SDCCAG8: variants seen among roughly 807,000 people sequenced by gnomAD.
SDCCAG8 encodes serologically defined colon cancer antigen 8.
In SDCCAG8, 74 loss-of-function variants were observed where a neutral mutation model predicts 101.8. That is an observed-to-expected ratio of 0.73 (90% confidence interval 0.60 to 0.88). The LOEUF (loss-of-function observed/expected upper bound fraction) is 0.88, where lower values mean the gene tolerates loss of function less well. Ranked by LOEUF, SDCCAG8 falls within the 40% of genes least tolerant of loss-of-function variation. The probability of loss-of-function intolerance (pLI) is 0.00; values close to 1 mark genes in which losing one functional copy is unlikely to be tolerated. For synonymous variants in SDCCAG8, 281 were observed against 292.9 expected (o/e 0.96, Z 0.41); for missense variants, 787 against 822.6 (o/e 0.96, Z 0.53).
chr1:243,280,105 A>G (rs1186675558), intron 4 of SDCCAG8, among the ~76,000 whole-genome samples: 1 of 152,164 alleles, frequency 6.6e-6, no homozygotes, highest in Non-Finnish European at 1.5e-5. Flanking sequence ...CAGATTATCT[A>G]TTCCTCCCTC....
At chr1:243,396,813 T>C (rs2079062745) in intron 13 of SDCCAG8, among the ~76,000 whole-genome samples, 1 of 152,222 alleles carries the variant, frequency 6.6e-6, no homozygotes, top group Non-Finnish European at 1.5e-5. Flanking sequence ...CAAATTATTG[T>C]CTTCCTGAAC....
At chr1:243,346,578 AT>A (rs2075722159) in intron 12 of SDCCAG8, among the ~76,000 whole-genome samples, 1 of 152,194 alleles carries the variant, frequency 6.6e-6, no homozygotes, top group African/African-American at 2.4e-5. Flanking sequence ...CACCAAAATA[AT>A]TTTCCTTGTG....
Position 243,296,535 on chromosome 1 carries a change from CTTTTT to C in SDCCAG8, c.675+3337_675+3341del, listed in dbSNP as rs756242066. 1.0e-4 allele frequency among the ~76,000 whole-genome samples: 6 copies of C among 57,948 alleles called. No individual in the cohort carries two copies. The East Asian group carries it at 2.0e-3, about 20-fold the overall frequency. The allele number at this position is 57,948 out of a possible 152,430, so 38.0% of individuals were successfully genotyped here. A position where few individuals can be genotyped will look rare whatever the true frequency, so the allele number is the denominator to read the frequency against. On this transcript the variant is annotated intron_variant, in intron 6 of 17. Coordinates refer to ENST00000366541, the MANE Select transcript of SDCCAG8 (RefSeq NM_006642.5). ...CCCCCTGTAGTCCACCCCAACTGCT[CTTTTT>C]TTTTTTTTTTTTTTTTTTTTGAGAC... is the stretch of plus-strand genomic sequence containing the variant.
At chr1:243,420,028 T>C (rs1015428782) in intron 15 of SDCCAG8, among the ~76,000 whole-genome samples, 1 of 152,334 alleles carries the variant, frequency 6.6e-6, no homozygotes, top group Non-Finnish European at 1.5e-5. Context: ...ATTTAATGAA[T>C]AAATGATGAA....
chr1:243,447,741 A>G lies in SDCCAG8; in HGVS notation c.1985+21183A>G, dbSNP rs187113412. Among the ~76,000 whole-genome samples, 19 of 152,356 alleles carry G rather than the reference A, an allele frequency of 1.2e-4. No homozygotes were observed. In the East Asian group the frequency reaches 3.7e-3, roughly 29 times the overall value. On this transcript the variant is annotated intron_variant, in intron 16 of 17. Coordinates refer to ENST00000366541, the MANE Select transcript of SDCCAG8 (RefSeq NM_006642.5). ...CATTAGGATATTAAAAGCATTGATA[A>G]GTCTTCAGAATTATTAACCATTTTT...
At chr1:243,307,879 A>G in intron 7 of SDCCAG8, 110 bp from the exon 8 acceptor site, 2 of 1,573,686 alleles carry the variant, frequency 1.3e-6, no homozygotes, top group Non-Finnish European at 1.7e-6. Flanking sequence ...AAACTAAAGC[A>G]TAAGGTGAGT....
intron 5 of SDCCAG8, among the ~76,000 whole-genome samples, chr1:243,291,544 C>T (rs779669245): frequency 2.0e-4 from 30 of 152,322 alleles, no homozygotes; most frequent in Admixed American, 5.2e-4. Context: ...ATGCAGGCTG[C>T]ATGTCAACTC....
chr1:243,339,491 G>A (rs1396844268), intron 10 of SDCCAG8, among the ~76,000 whole-genome samples: 2 of 151,950 alleles, frequency 1.3e-5, no homozygotes, highest in Admixed American at 6.6e-5. Flanking sequence ...GTTTTATATT[G>A]TAATGTGCCC....
chr1:243,421,820 T>C (rs1426983775), intron 15 of SDCCAG8, among the ~76,000 whole-genome samples: 1 of 152,198 alleles, frequency 6.6e-6, no homozygotes, highest in Non-Finnish European at 1.5e-5. Flanking sequence ...GAGCTTATTA[T>C]AGTTATGGGG....
intron 9 of SDCCAG8, among the ~76,000 whole-genome samples, chr1:243,325,862 A>G (rs889704027): frequency 6.6e-6 from 1 of 152,240 alleles, no homozygotes; most frequent in South Asian, 2.1e-4. Context: ...AATGGAAGTT[A>G]TTTCAATTGG....
In SDCCAG8 at chr1:243,317,925, A is replaced by T. The variant is rs979092333; in HGVS notation, c.1068+1032A>T. On this transcript the variant is annotated intron_variant, in intron 9 of 17. Coordinates refer to ENST00000366541, the MANE Select transcript of SDCCAG8 (RefSeq NM_006642.5). ...GTTGGATAGCACTGGTCTAAACCAT[A>T]TATGAATCTCAGTGTTTTATTAAAA... is the stretch of plus-strand genomic sequence containing the variant. 2.5e-5 allele frequency: 10 copies of T among 400,452 alleles called. No homozygotes were observed. In the Admixed American group the frequency reaches 2.6e-4, roughly 11 times the overall value. 24.8% of individuals were successfully genotyped at this position (400,452 alleles called of 1,614,324 possible). A position where few individuals can be genotyped will look rare whatever the true frequency, so the allele number is the denominator to read the frequency against.
chr1:243,369,179 C>A (rs1404444841), intron 12 of SDCCAG8, among the ~76,000 whole-genome samples: 1 of 152,076 alleles, frequency 6.6e-6, no homozygotes, highest in Admixed American at 6.6e-5. Context: ...AGATTTTAAC[C>A]CCTATCACTT....
intron 16 of SDCCAG8, among the ~76,000 whole-genome samples, chr1:243,481,983 G>C (rs1468946425): frequency 6.6e-6 from 1 of 152,214 alleles, no homozygotes; most frequent in Non-Finnish European, 1.5e-5. Flanking sequence ...TGTGGAGCTG[G>C]TGCTAGGTTC....
chr1:243,451,248 T>G (rs943934378), intron 16 of SDCCAG8, among the ~76,000 whole-genome samples: 1 of 152,218 alleles, frequency 6.6e-6, no homozygotes, highest in Non-Finnish European at 1.5e-5. Flanking sequence ...CCTAAAGATT[T>G]CATAGGCACA....
At chr1:243,265,619 C>T (rs1304058454) in intron 1 of SDCCAG8, among the ~76,000 whole-genome samples, 1 of 152,172 alleles carries the variant, frequency 6.6e-6, no homozygotes, top group East Asian at 1.9e-4. Flanking sequence ...TTGAGACCAG[C>T]CTGGCCAACA....
At chr1:243,277,299 AGCATTT>A (rs1377795830) in intron 4 of SDCCAG8, among the ~76,000 whole-genome samples, 1 of 152,226 alleles carries the variant, frequency 6.6e-6, no homozygotes, top group African/African-American at 2.4e-5. Context: ...TATCCTCATT[AGCATTT>A]GGTGTTGTCA....
chr1:243,340,955 C>A, intron 10 of SDCCAG8, 84 bp from the exon 11 acceptor site: 2 of 1,392,202 alleles, frequency 1.4e-6, no homozygotes, highest in Non-Finnish European at 2.0e-6. Context: ...AGTGACTATG[C>A]TGAGACGCTA....
intron 1 of SDCCAG8, among the ~76,000 whole-genome samples, chr1:243,268,412 G>C (rs545331706): frequency 2.0e-5 from 3 of 152,164 alleles, no homozygotes; most frequent in Non-Finnish European, 2.9e-5. Flanking sequence ...CCAGGAATGC[G>C]TCTTATCTGA....
intron 16 of SDCCAG8, among the ~76,000 whole-genome samples, chr1:243,436,188 C>T (rs1265472622): frequency 3.5e-4 from 49 of 140,902 alleles, no homozygotes; most frequent in Admixed American, 1.4e-3. Flanking sequence ...TTTTTTTGAG[C>T]AGTGGCAAGG....
Sources: gnomAD v4.1 joint callset for allele counts (sites outside exome capture counted in the v4.1 genomes callset) on GRCh38, gnomAD v4.1.1 for gene constraint, MANE v1.5 for transcripts, NCBI Gene and HGNC (gene_info 2026-07-23, HGNC 2026-07-21) for gene names.